Variants in ANGEL1 observed in about 807,000 individuals in gnomAD.
The protein encoded by ANGEL1 is angel homolog 1.
Under a neutral mutation model 76.4 loss-of-function variants are expected in ANGEL1, and 62 were observed. The observed-to-expected ratio is 0.81, with a 90% confidence interval of 0.66 to 1.00. The LOEUF (loss-of-function observed/expected upper bound fraction) is 1.00, where lower values mean the gene tolerates loss of function less well. Ranked by LOEUF, ANGEL1 falls within the 50% of genes least tolerant of loss-of-function variation. ANGEL1 has a pLI of 0.00. For missense variants in ANGEL1, 737 were observed against 836.7 expected (o/e 0.88, Z 1.47); for synonymous variants, 340 against 331.7 (o/e 1.03, Z -0.27).
intron 1 of ANGEL1, 136 bp from the exon 2 acceptor site, chr14:76,809,779 A>G (rs1248767311): frequency 2.9e-6 from 2 of 695,968 alleles, no homozygotes; most frequent in African/African-American, 3.6e-5. Flanking sequence ...GAGCCTGCCT[A>G]CCTTAATGCC....
chr14:76,789,050 G>A lies in ANGEL1; in HGVS notation c.*178C>T. The A allele has an allele frequency of 3.6e-6, 3 of 826,676 alleles. No individual in the cohort carries two copies. The allele number at this position is 826,676 out of a possible 1,614,324, so 51.2% of individuals were successfully genotyped here. Reference sequence around the variant, plus strand: ...AGGCTGGGGTGGGGCAAGGACCACAGGCAGAGAACGCAGCCAGGCCTGGAG... The same window carrying A: ...AGGCTGGGGTGGGGCAAGGACCACAAGCAGAGAACGCAGCCAGGCCTGGAG... On this transcript the variant is annotated 3_prime_UTR_variant, in exon 10 of 10. Transcript: ENST00000251089.
At position 76,809,316 on chromosome 14, in the gene ANGEL1, A is replaced by G. The variant is rs1595309432; in HGVS notation, c.392T>C (p.Leu131Pro). ...ENLDEPFPEM[L>P]GEEPLLEVEG... ...CACCTCCAGCAGTGGCTCCTCTCCT[A>G]GCATCTCAGGGAAAGGCTCATCCAG... Residue 131 changes from leucine (L) to proline (P), a missense_variant, in exon 2 of 10, where the codon CTA (leucine) becomes CCA (proline). By Grantham distance (98) the Leu-to-Pro change is moderately conservative (BLOSUM62 -3). Around this residue, in one of 2 missense-constraint regions of ANGEL1, gnomAD observed 441 missense variants for 449.5 expected, o/e 0.98. Coordinates refer to ENST00000251089, the MANE Select transcript of ANGEL1 (RefSeq NM_015305.4). 6.2e-7 allele frequency: 1 copy of G among 1,614,154 alleles called. No homozygotes were observed. The highest frequency in any genetic ancestry group is 8.5e-7 in the Non-Finnish European group (1 of 1,180,000).
chr14:76,812,536 A>C, intron 1 of ANGEL1: 1 of 1,245,748 alleles, frequency 8.0e-7, no homozygotes, highest in Non-Finnish European at 1.0e-6. Context: ...CCATCTGACA[A>C]CAGGCGGGAG....
At chr14:76,790,012 C>T (rs930357056) in intron 9 of ANGEL1, among the ~76,000 whole-genome samples, 8 of 152,148 alleles carry the variant, frequency 5.3e-5, no homozygotes, top group South Asian at 2.1e-4. Flanking sequence ...TTACAGACAC[C>T]GTCACCACAC....
At chr14:76,795,551 T>A (rs1894551755) in intron 7 of ANGEL1, among the ~76,000 whole-genome samples, 1 of 152,198 alleles carries the variant, frequency 6.6e-6, no homozygotes, top group Non-Finnish European at 1.5e-5. Context: ...TCTCTGTGCT[T>A]TGTAACAATT....
Position 76,789,052 on chromosome 14 carries a change from C to CA in ANGEL1, c.*175dup. 4 of 837,690 alleles carry CA rather than the reference C, an allele frequency of 4.8e-6. No homozygotes were observed. The highest frequency in any genetic ancestry group is 7.4e-6 in the Non-Finnish European group (4 of 541,530). 51.9% of individuals were successfully genotyped at this position (837,690 alleles called of 1,614,324 possible). Reference sequence around the variant, plus strand: ...GCTGGGGTGGGGCAAGGACCACAGGCAGAGAACGCAGCCAGGCCTGGAGAA... The same window carrying CA: ...GCTGGGGTGGGGCAAGGACCACAGGCAAGAGAACGCAGCCAGGCCTGGAGAA... On this transcript the variant is annotated 3_prime_UTR_variant, in exon 10 of 10. Coordinates refer to ENST00000251089, the MANE Select transcript of ANGEL1 (RefSeq NM_015305.4).
Position 76,788,251 on chromosome 14 carries a change from C to A in ANGEL1, c.*977G>T, listed in dbSNP as rs1289512197. 1 of 152,310 alleles carries A rather than the reference C, an allele frequency of 6.6e-6. No homozygotes were observed. The highest frequency in any genetic ancestry group is 1.5e-5 in the Non-Finnish European group (1 of 68,080). 9.4% of individuals were successfully genotyped at this position (152,310 alleles called of 1,614,324 possible). A position where few individuals can be genotyped will look rare whatever the true frequency, so the allele number is the denominator to read the frequency against. On this transcript the variant is annotated 3_prime_UTR_variant, in exon 10 of 10. Transcript: ENST00000251089. ...AAGAGTCTACCTGCTCCTTCCCCTA[C>A]TGGAACTCCTACCCTTGCCCCAGTT...
chr14:76,809,343 T>C lies in ANGEL1; in HGVS notation c.365A>G (p.Asn122Ser). 6.2e-7 allele frequency: 1 copy of C among 1,614,206 alleles called. No homozygotes were observed. Among genetic ancestry groups the C allele is most frequent in the Non-Finnish European group, 8.5e-7 (1 of 1,180,022 alleles). Residue 122 changes from asparagine (N) to serine (S), a missense_variant, in exon 2 of 10, where the codon AAC (asparagine) becomes AGC (serine). By Grantham distance (46) the Asn-to-Ser change is conservative (BLOSUM62 1). Around this residue, in one of 2 missense-constraint regions of ANGEL1, gnomAD observed 441 missense variants for 449.5 expected, o/e 0.98. Coordinates refer to ENST00000251089, the MANE Select transcript of ANGEL1 (RefSeq NM_015305.4). ...CATCTCAGGGAAAGGCTCATCCAGGTTCTCTGCAGCCCGAAGGTCACTCAG... is the reference window on the plus strand; with the variant it reads ...CATCTCAGGGAAAGGCTCATCCAGGCTCTCTGCAGCCCGAAGGTCACTCAG... ...RQLSDLRAAE[N>S]LDEPFPEMLG...
At chr14:76,803,703 A>G in intron 6 of ANGEL1, 83 bp downstream of exon 6, 1 of 1,524,012 alleles carries the variant, frequency 6.6e-7, no homozygotes, top group East Asian at 2.3e-5. Flanking sequence ...GAGGGATTAC[A>G]CTTTTTCTTG....
rs1164924994 is a variant in ANGEL1 at position 76,786,621 on chromosome 14, T to A, written c.*2607A>T. On this transcript the variant is annotated 3_prime_UTR_variant, in exon 10 of 10. Coordinates refer to ENST00000251089, the MANE Select transcript of ANGEL1 (RefSeq NM_015305.4). ...TTCAGGTAAGACAGAAAACCAGATC[T>A]GGTTTCAGGGCTCCCAGTGGGCATG... The A allele has an allele frequency of 6.6e-6, 1 of 152,218 alleles. No individual in the cohort carries two copies. The highest frequency in any genetic ancestry group is 1.5e-5 in the Non-Finnish European group (1 of 68,060). 9.4% of individuals were successfully genotyped at this position (152,218 alleles called of 1,614,324 possible).
intron 8 of ANGEL1, 133 bp downstream of exon 8, chr14:76,791,164 A>G (rs1272905664): frequency 1.0e-6 from 1 of 984,524 alleles, no homozygotes; most frequent in Non-Finnish European, 1.6e-6. Flanking sequence ...CTATAAGTTT[A>G]GCAGATATTA....
chr14:76,793,302 G>A (rs754866910), intron 7 of ANGEL1, among the ~76,000 whole-genome samples: 1 of 145,222 alleles, frequency 6.9e-6, no homozygotes, highest in African/African-American at 2.6e-5. Context: ...AACAGACTGA[G>A]TCCTTGTCAC....
intron 7 of ANGEL1, among the ~76,000 whole-genome samples, chr14:76,794,468 G>T (rs535023569): frequency 1.3e-5 from 2 of 151,960 alleles, no homozygotes; most frequent in Non-Finnish European, 2.9e-5. Flanking sequence ...TCAGGAGATC[G>T]AGACCATCCT....
chr14:76,797,530 A>G (rs1894617840), intron 7 of ANGEL1, among the ~76,000 whole-genome samples: 1 of 152,070 alleles, frequency 6.6e-6, no homozygotes, highest in African/African-American at 2.4e-5. Context: ...AACCCAGGAG[A>G]CAGAGATTGC....
At chr14:76,811,223 T>TC (rs1456039414) in intron 1 of ANGEL1, among the ~76,000 whole-genome samples, 2 of 152,156 alleles carry the variant, frequency 1.3e-5, no homozygotes, top group Non-Finnish European at 2.9e-5. Context: ...GTCCAAAACG[T>TC]CAACAGTGCT....
intron 5 of ANGEL1, among the ~76,000 whole-genome samples, chr14:76,805,270 G>A (rs116905840): frequency 0.012 from 1,762 of 152,244 alleles, 20 homozygotes; most frequent in Non-Finnish European, 0.017. Context: ...GGCAGAGCAC[G>A]GATCTGAACT....
intron 6 of ANGEL1, 22 bp downstream of exon 6, chr14:76,803,764 C>A: frequency 6.3e-7 from 1 of 1,582,430 alleles, no homozygotes; most frequent in Non-Finnish European, 8.6e-7. Context: ...CACAGCCAAC[C>A]AAGAATGTGA....
rs1894277464 is a variant in ANGEL1 at position 76,787,034 on chromosome 14, C to G, written c.*2194G>C. ...CAGTGTCAAGGCAGGAGGCTTCACTCAAGCCCTGTTCCTCCCAGGCCTCAC... is the reference window on the plus strand; with the variant it reads ...CAGTGTCAAGGCAGGAGGCTTCACTGAAGCCCTGTTCCTCCCAGGCCTCAC... On this transcript the variant is annotated 3_prime_UTR_variant, in exon 10 of 10. Transcript: ENST00000251089. The G allele has an allele frequency of 6.6e-6, 1 of 152,246 alleles. No homozygotes were observed. The allele number at this position is 152,246 out of a possible 1,614,324, so 9.4% of individuals were successfully genotyped here.
chr14:76,806,984 C>T (rs1595307459), intron 4 of ANGEL1, 135 bp from the exon 5 acceptor site: 2 of 1,032,260 alleles, frequency 1.9e-6, no homozygotes, highest in Non-Finnish European at 2.8e-6. Flanking sequence ...TTTGCCACTT[C>T]CTTGGTTCAG....
Sources: gnomAD v4.1 joint callset for allele counts (sites outside exome capture counted in the v4.1 genomes callset) on GRCh38, gnomAD v4.1.1 for gene constraint, gnomAD v4.1.1 regional missense constraint, MANE v1.5 for transcripts, NCBI Gene and HGNC (gene_info 2026-07-23, HGNC 2026-07-21) for gene names.